Variants in COL5A1 observed in about 807,000 individuals in gnomAD.
COL5A1 encodes the protein collagen type V alpha 1 chain, also known as collagen alpha-1(V) chain.
A neutral mutation model predicts 263.7 loss-of-function variants in COL5A1; 16 were observed. The observed-to-expected ratio is 0.06, with a 90% CI of 0.04 to 0.09. The LOEUF (loss-of-function observed/expected upper bound fraction) is 0.09. COL5A1 is among the 10% of genes least tolerant of loss of function. COL5A1 has a pLI of 1.00. For missense variants in COL5A1, 2,036 were observed against 2,540.5 expected, an observed-to-expected ratio of 0.80 and a Z score of 4.27; for synonymous variants, 1,012 against 1,004.5, an observed-to-expected ratio of 1.01 and a Z score of -0.14.
Position 134,642,365 on chromosome 9 carries a change from G to A in COL5A1, c.109+69G>A. 1 of 351,002 alleles carries A rather than the reference G, an allele frequency of 2.8e-6. No homozygotes were observed. Among genetic ancestry groups the A allele is most frequent in the Non-Finnish European group, 4.6e-6 (1 of 216,798 alleles). 21.7% of individuals were successfully genotyped at this position (351,002 alleles called of 1,614,324 possible). Reference sequence around the variant, plus strand: ...CAGCCCGGGCGCCGCTGTCATCCCCGGGCGCCTTCGCCCGCAGAACTTTTC... The same window carrying A: ...CAGCCCGGGCGCCGCTGTCATCCCCAGGCGCCTTCGCCCGCAGAACTTTTC... On this transcript the variant is annotated intron_variant, in intron 1 of 65. Coordinates refer to ENST00000371817, the MANE Select transcript of COL5A1 (RefSeq NM_000093.5). The surrounding 1 kb of genome is among the most constrained non-coding windows in gnomAD (Gnocchi z 4.5).
chr9:134,719,520 G>A (rs74688691), intron 4 of COL5A1, among the ~76,000 whole-genome samples: 4,425 of 152,376 alleles, frequency 0.029, 81 homozygotes, highest in Non-Finnish European at 0.041. Context: ...ACAAGTGTGG[G>A]GTTGCTGGCT....
chr9:134,835,721 G>A (rs919327573), intron 65 of COL5A1, among the ~76,000 whole-genome samples: 4 of 152,214 alleles, frequency 2.6e-5, no homozygotes, highest in Non-Finnish European at 5.9e-5. Context: ...AATGGAGGCC[G>A]GAGCGGCGGG....
intron 45 of COL5A1, 38 bp from the exon 46 acceptor site, chr9:134,811,454 G>A (rs1328094800): frequency 6.2e-7 from 1 of 1,613,494 alleles, no homozygotes; most frequent in African/African-American, 1.3e-5. Context: ...TGCTGGCATT[G>A]CCAGCATCCT....
intron 57 of COL5A1, among the ~76,000 whole-genome samples, chr9:134,819,857 C>A (rs1838922486): frequency 6.6e-6 from 1 of 152,210 alleles, no homozygotes; most frequent in Non-Finnish European, 1.5e-5. Context: ...TCAGGAAAAC[C>A]CCTTTATCAC....
At chr9:134,710,560 G>GGGA (rs1554783399) in intron 4 of COL5A1, among the ~76,000 whole-genome samples, 3 of 132,658 alleles carry the variant, frequency 2.3e-5, no homozygotes, top group South Asian at 2.6e-4. Flanking sequence ...GCAGTGGTGG[G>GGGA]GGGGCCCCAT....
chr9:134,753,780 A>T, intron 14 of COL5A1, 70 bp from the exon 15 acceptor site: 2 of 444,770 alleles, frequency 4.5e-6, no homozygotes, highest in Admixed American at 6.4e-5. Flanking sequence ...CTCCCCTGCC[A>T]CCCCCAGCCC....
At chr9:134,727,814 C>A (rs1834717445) in intron 5 of COL5A1, among the ~76,000 whole-genome samples, 1 of 152,174 alleles carries the variant, frequency 6.6e-6, no homozygotes, top group African/African-American at 2.4e-5. Flanking sequence ...GCCCTCGGAT[C>A]CCTTGAGTGT....
rs764373205 is a variant in COL5A1 at position 134,774,851 on chromosome 9, G to T, written c.2332-8G>T. The T allele has an allele frequency of 2.5e-6, 4 of 1,613,354 alleles. No individual in the cohort carries two copies. The highest frequency in any genetic ancestry group is 3.4e-6 in the Non-Finnish European group (4 of 1,179,780). On this transcript the variant is annotated splice_polypyrimidine_tract_variant and splice_region_variant and intron_variant, in intron 26 of 65. Transcript: ENST00000371817. ...TGGGGCTAACGGTCTTTTTCTGTTTGGTTTTAGGGTCCACCTGGCCCCCAG... is the reference window on the plus strand; with the variant it reads ...TGGGGCTAACGGTCTTTTTCTGTTTTGTTTTAGGGTCCACCTGGCCCCCAG...
rs1009787442 is a variant in COL5A1, at chr9:134,815,828, A to G, written c.4069-107A>G. On this transcript the variant is annotated intron_variant, in intron 51 of 65. Coordinates refer to ENST00000371817, the MANE Select transcript of COL5A1 (RefSeq NM_000093.5). Reference sequence around the variant, plus strand: ...ACTGACCATGCTCTGTGCTGGCACCAGAATGGATTTGGGTTTTGGGAAGGG... The same window carrying G: ...ACTGACCATGCTCTGTGCTGGCACCGGAATGGATTTGGGTTTTGGGAAGGG... 1.9e-5 allele frequency: 27 copies of G among 1,410,110 alleles called. No homozygotes were observed. The Admixed American group carries it at 4.7e-4, about 25-fold the overall frequency. The allele number at this position is 1,410,110 out of a possible 1,614,324, so 87.3% of individuals were successfully genotyped here. A position where few individuals can be genotyped will look rare whatever the true frequency, so the allele number is the denominator to read the frequency against.
At chr9:134,727,759 C>T (rs1386230818) in intron 5 of COL5A1, among the ~76,000 whole-genome samples, 1 of 152,172 alleles carries the variant, frequency 6.6e-6, no homozygotes, top group Non-Finnish European at 1.5e-5. Context: ...ATGTGCAGCT[C>T]GCCAAAGAGG....
At chr9:134,740,681 G>C (rs1188729305) in intron 11 of COL5A1, among the ~76,000 whole-genome samples, 1 of 152,186 alleles carries the variant, frequency 6.6e-6, no homozygotes, top group Non-Finnish European at 1.5e-5. Context: ...GTGAACCAGA[G>C]GGGTGCTGGT....
intron 37 of COL5A1, among the ~76,000 whole-genome samples, chr9:134,798,694 G>C (rs1006669081): frequency 1.3e-5 from 2 of 152,194 alleles, no homozygotes; most frequent in African/African-American, 2.4e-5. Flanking sequence ...TGGCATCTGT[G>C]GGCAGAAGGC....
At chr9:134,728,879 G>T in intron 6 of COL5A1, 72 bp downstream of exon 6, 1 of 1,595,502 alleles carries the variant, frequency 6.3e-7, no homozygotes. Flanking sequence ...GCGAGGCCAG[G>T]AGAGGTTGTG....
chr9:134,806,453 C>G lies in COL5A1; in HGVS notation c.3366+157C>G, dbSNP rs552312071. 2.0e-5 allele frequency among the ~76,000 whole-genome samples: 3 copies of G among 152,200 alleles called. No individual in the cohort carries two copies. The East Asian group carries it at 5.8e-4, about 30-fold the overall frequency. ...GGCCCTCTAGGACAGAGCGTGTGTC[C>G]CATGGGAACCTGGTGACCTGCCTGA... On this transcript the variant is annotated intron_variant, in intron 42 of 65. Coordinates refer to ENST00000371817, the MANE Select transcript of COL5A1 (RefSeq NM_000093.5).
chr9:134,742,656 C>G lies in COL5A1; in HGVS notation c.1494+3848C>G, dbSNP rs1267342174. Among the ~76,000 whole-genome samples the G allele has an allele frequency of 1.3e-5, 2 of 152,210 alleles. No individual in the cohort carries two copies. Among genetic ancestry groups the G allele is most frequent in the East Asian group, 3.9e-4 (2 of 5,194 alleles). ...GCCAGGTGGCCGTTACTCAGCCCCT[C>G]TCTGGCCTGGGTTTCTTGTGGGTCT... On this transcript the variant is annotated intron_variant, in intron 11 of 65. Coordinates refer to ENST00000371817, the MANE Select transcript of COL5A1 (RefSeq NM_000093.5). The surrounding 1 kb of genome is among the most constrained non-coding windows in gnomAD (Gnocchi z 4.6).
intron 4 of COL5A1, among the ~76,000 whole-genome samples, chr9:134,722,878 G>T (rs937096090): frequency 6.6e-6 from 1 of 152,132 alleles, no homozygotes; most frequent in Admixed American, 6.5e-5. Flanking sequence ...GCCTCAGCGG[G>T]TGGAGAGTGG....
rs1460929040 is a variant in COL5A1, at chr9:134,642,203, C to G, written c.16C>G (p.Arg6Gly). The G allele has an allele frequency of 7.7e-7, 1 of 1,304,688 alleles. No homozygotes were observed. Among genetic ancestry groups the G allele is most frequent in the Non-Finnish European group, 9.8e-7 (1 of 1,024,764 alleles). The allele number at this position is 1,304,688 out of a possible 1,614,324, so 80.8% of individuals were successfully genotyped here. MDVHT[R>G]WKARSALRPG... Reference sequence around the variant, plus strand: ...CCCCGCCGGCATGGACGTCCATACCCGCTGGAAAGCGCGCAGCGCGCTCCG... The same window carrying G: ...CCCCGCCGGCATGGACGTCCATACCGGCTGGAAAGCGCGCAGCGCGCTCCG... The change falls in exon 1 of 66, where the codon CGC becomes GGC. Residue 6 changes from arginine to glycine, a missense_variant. Around this residue, in one of 3 missense-constraint regions of COL5A1, gnomAD observed 600 missense variants for 634.5 expected, o/e 0.95. Coordinates refer to ENST00000371817, the MANE Select transcript of COL5A1 (RefSeq NM_000093.5). The surrounding 1 kb of genome is among the most constrained non-coding windows in gnomAD (Gnocchi z 4.5).
chr9:134,732,687 C>G (rs989022090), intron 9 of COL5A1: 1 of 190,528 alleles, frequency 5.2e-6, no homozygotes, highest in Non-Finnish European at 1.1e-5. Context: ...TGAGTAAAAC[C>G]CAACTATGTT....
intron 18 of COL5A1, 90 bp from the exon 19 acceptor site, chr9:134,761,835 G>C: frequency 7.8e-7 from 1 of 1,276,358 alleles, no homozygotes; most frequent in African/African-American, 1.5e-5. Context: ...GAATCTTACT[G>C]TCAGAATTAG....
Sources: gnomAD v4.1 joint callset for allele counts (sites outside exome capture counted in the v4.1 genomes callset) on GRCh38, gnomAD v4.1.1 for gene constraint, gnomAD v4.1.1 regional missense constraint, Gnocchi (gnomAD v3.1) non-coding constraint, MANE v1.5 for transcripts, NCBI Gene and HGNC (gene_info 2026-07-23, HGNC 2026-07-21) for gene names.